PIAS3: variants seen among roughly 807,000 people sequenced by gnomAD.
PIAS3 encodes protein inhibitor of activated STAT 3.
PIAS3 carries 34 observed loss-of-function variants against 67.6 expected under a neutral mutation model. The observed-to-expected ratio is 0.50, with a 90% CI of 0.38 to 0.67. The LOEUF is 0.67. PIAS3 is among the 30% of genes least tolerant of loss of function. PIAS3 has a pLI of 0.00. For synonymous variants in PIAS3, 341 were observed against 313.8 expected (o/e 1.09, Z -0.92); for missense variants, 693 against 791.6 (o/e 0.88, Z 1.49).
Position 145,855,951 on chromosome 1 carries a change from C to T in PIAS3, c.578+117G>A, listed in dbSNP as rs371745199. The stretch of plus-strand genomic sequence containing the variant: ...GAAGCCCTCAGCATCCAACAAGAGT[C>T]GCAGGGCTGCAGTAGGCAGTGGCAG... On this transcript the variant is annotated intron_variant, in intron 4 of 13. Transcript: ENST00000393045. 262 of 1,061,326 alleles carry T rather than the reference C, an allele frequency of 2.5e-4. 3 individuals carry two copies. The highest frequency in any genetic ancestry group is 1.8e-3 in the South Asian group (146 of 80,014). The allele number at this position is 1,061,326 out of a possible 1,614,324, so 65.7% of individuals were successfully genotyped here.
chr1:145,854,842 C>T lies in PIAS3; in HGVS notation c.708G>A (p.Lys236=), dbSNP rs940911293. The part of the protein sequence containing the change: ...LPPTKNGAEP[K]RPSRPINITP... ...TGATGTTGATGGGGCGGCTGGGCCT[C>T]TTGGGCTCGGCCCCATTCTTGGTTG... Residue 236 remains lysine, a synonymous_variant, in exon 6 of 14, where the codon AAG becomes AAA. Coordinates refer to ENST00000393045, the MANE Select transcript of PIAS3 (RefSeq NM_006099.3). 4 of 1,614,042 alleles carry T rather than the reference C, an allele frequency of 2.5e-6. No homozygotes were observed. The highest frequency in any genetic ancestry group is 3.4e-6 in the Non-Finnish European group (4 of 1,180,030).
At chr1:145,857,407 T>C in intron 1 of PIAS3, 1 of 197,104 alleles carries the variant, frequency 5.1e-6, no homozygotes, top group Non-Finnish European at 1.1e-5. Flanking sequence ...CTCAAACCCA[T>C]CCCAGCCTCC....
intron 2 of PIAS3, 55 bp downstream of exon 2, chr1:145,856,534 T>C: frequency 6.3e-7 from 1 of 1,595,498 alleles, no homozygotes; most frequent in South Asian, 1.1e-5. Context: ...GCCTAAGAAA[T>C]GTTTGGGGAA....
intron 7 of PIAS3, 97 bp from the exon 8 acceptor site, chr1:145,853,983 T>TCCACCCAGCAGCCTCTCA: frequency 9.4e-7 from 1 of 1,059,464 alleles, no homozygotes; most frequent in Non-Finnish European, 1.4e-6. Context: ...GCTGAGAGGC[T>TCCACCCAGCAGCCTCTCA]GCTGGGTGGA....
rs1652855430 is a variant in PIAS3, at chr1:145,849,224, AC to A, written c.*221del. The A allele has an allele frequency of 2.5e-6, 1 of 393,792 alleles. No individual in the cohort carries two copies. Among genetic ancestry groups the A allele is most frequent in the Non-Finnish European group, 4.4e-6 (1 of 225,116 alleles). The allele number at this position is 393,792 out of a possible 1,614,324, so 24.4% of individuals were successfully genotyped here. On this transcript the variant is annotated 3_prime_UTR_variant, in exon 14 of 14. Transcript: ENST00000393045. ...AAAGGAATGTGCCACCATCTAAAGA[AC>A]ATTTCCAGAAACAGACCCCAGTGTC...
chr1:145,849,374 A>C lies in PIAS3; in HGVS notation c.*72T>G. On this transcript the variant is annotated 3_prime_UTR_variant, in exon 14 of 14. Coordinates refer to ENST00000393045, the MANE Select transcript of PIAS3 (RefSeq NM_006099.3). ...CCAGAGCCCCCAGAGGGATCAGAGT[A>C]GCTGGGGTTGGGACTCCACAGCATA... 1 of 1,401,650 alleles carries C rather than the reference A, an allele frequency of 7.1e-7. No homozygotes were observed. Among genetic ancestry groups the C allele is most frequent in the Non-Finnish European group, 9.3e-7 (1 of 1,075,802 alleles). 86.8% of individuals were successfully genotyped at this position (1,401,650 alleles called of 1,614,324 possible). A position where few individuals can be genotyped will look rare whatever the true frequency, so the allele number is the denominator to read the frequency against.
intron 9 of PIAS3, 152 bp downstream of exon 9, chr1:145,853,352 G>A (rs917755895): frequency 7.9e-5 from 42 of 532,066 alleles, no homozygotes; most frequent in South Asian, 2.5e-4. Flanking sequence ...GGAGGTTGCA[G>A]TGAGCCAAGA....
intron 13 of PIAS3, 129 bp from the exon 14 acceptor site, chr1:145,849,841 GGA>G: frequency 6.8e-7 from 1 of 1,479,882 alleles, no homozygotes; most frequent in Non-Finnish European, 8.9e-7. Context: ...TTGAGAAGCA[GGA>G]GAGCCTCTCC....
intron 11 of PIAS3, 25 bp downstream of exon 11, chr1:145,850,746 G>A (rs782730765): frequency 3.1e-6 from 5 of 1,612,896 alleles, no homozygotes; most frequent in Non-Finnish European, 4.2e-6. Flanking sequence ...CCGTTTTGCT[G>A]TAGACTCAGC....
chr1:145,856,804 G>A lies in PIAS3; in HGVS notation c.227C>T (p.Ser76Phe). 6.2e-7 allele frequency: 1 copy of A among 1,614,134 alleles called. No individual in the cohort carries two copies. Among genetic ancestry groups the A allele is most frequent in the Non-Finnish European group, 8.5e-7 (1 of 1,179,990 alleles). The change falls in exon 2 of 14, where the codon TCC becomes TTC. Residue 76 changes from serine (S) to phenylalanine (F), a missense_variant. Physicochemically the swap from Ser to Phe is radical, Grantham distance 155 (BLOSUM62 -2). Around this residue, in one of 3 missense-constraint regions of PIAS3, gnomAD observed 308 missense variants for 348.8 expected, o/e 0.88. Transcript: ENST00000393045. ...PRKTLGPSDL[S>F]LLSLPPGTSP... ...GGTGCCAGGGGGCAAAGAGAGAAGG[G>A]AGAGATCAGAGGGCCCCAGGGTCTT...
At chr1:145,857,077 G>C (rs934418553) in intron 1 of PIAS3, 71 bp from the exon 2 acceptor site, 146 of 1,376,376 alleles carry the variant, frequency 1.1e-4, no homozygotes, top group Admixed American at 1.9e-4. Context: ...CATGGGCTGA[G>C]CTACCAGGTG....
intron 7 of PIAS3, 178 bp downstream of exon 7, chr1:145,854,276 AGTGG>A: frequency 1.6e-6 from 1 of 609,078 alleles, no homozygotes; most frequent in Admixed American, 2.9e-5. Flanking sequence ...GGTGCCTGGG[AGTGG>A]TCCAACTTCA....
chr1:145,851,227 C>T, intron 9 of PIAS3, 74 bp from the exon 10 acceptor site: 1 of 1,454,598 alleles, frequency 6.9e-7, no homozygotes. Flanking sequence ...CTGTAACTCA[C>T]CTTCCTGTAT....
chr1:145,856,024 T>C (rs782604677), intron 4 of PIAS3, 44 bp downstream of exon 4: 2 of 1,519,106 alleles, frequency 1.3e-6, no homozygotes, highest in Non-Finnish European at 1.8e-6. Context: ...ACTTCACTCC[T>C]ACCCCCAGTG....
In PIAS3 at chr1:145,855,764, T is replaced by C. The variant is rs1653146979; in HGVS notation, c.641A>G (p.Lys214Arg). 8 of 1,608,008 alleles carry C rather than the reference T, an allele frequency of 5.0e-6. No individual in the cohort carries two copies. Among genetic ancestry groups the C allele is most frequent in the East Asian group, 2.2e-5 (1 of 44,804 alleles). The change falls in exon 5 of 14, where the codon AAG becomes AGG. Residue 214 changes from lysine to arginine, a missense_variant. Physicochemically the swap from Lys to Arg is conservative, Grantham distance 26. Coordinates refer to ENST00000393045, the MANE Select transcript of PIAS3 (RefSeq NM_006099.3). ...CAGGGGGCACAGTTTCCCATTGACC[T>C]TGACAAAGAGGTTGGGGGGAAAATA... ...EDYFPPNLFVKVNGKLCPLPG... is the reference protein window; with the variant it reads ...EDYFPPNLFVRVNGKLCPLPG...
rs1454687384 is a variant in PIAS3 at position 145,856,614 on chromosome 1, C to T, written c.417G>A (p.Gly139=). The T allele has an allele frequency of 2.5e-6, 4 of 1,569,728 alleles. No homozygotes were observed. Among genetic ancestry groups the T allele is most frequent in the Middle Eastern group, 1.7e-4 (1 of 5,816 alleles). ...MKPLPFYEVY[G]ELIRPTTLAS... ...CAAGGGTGGTGGGCCGGATGAGCTC[C>T]CCATAGACTTCATAGAAGGGCAATG... Residue 139 remains glycine, a synonymous_variant, in exon 2 of 14, where the codon GGG becomes GGA. Coordinates refer to ENST00000393045, the MANE Select transcript of PIAS3 (RefSeq NM_006099.3).
chr1:145,849,884 C>T, intron 13 of PIAS3, 172 bp from the exon 14 acceptor site: 1 of 1,458,812 alleles, frequency 6.9e-7, no homozygotes, highest in Non-Finnish European at 9.0e-7. Flanking sequence ...CACCCTTCCC[C>T]TTTCCCTGCC....
intron 1 of PIAS3, 82 bp from the exon 2 acceptor site, chr1:145,857,088 G>A (rs1326406772): frequency 2.4e-6 from 3 of 1,252,406 alleles, no homozygotes; most frequent in East Asian, 2.3e-5. Flanking sequence ...CTACCAGGTG[G>A]GCAGTGCCTT....
chr1:145,859,020 G>T lies in PIAS3; in HGVS notation c.-30C>A. ...AGACATCGCAGGCGCCCCAGCCGGA[G>T]CCGGAGCTCAGGCCCAGGGACCGGC... On this transcript the variant is annotated 5_prime_UTR_variant, in exon 1 of 14. Coordinates refer to ENST00000393045, the MANE Select transcript of PIAS3 (RefSeq NM_006099.3). 6.5e-7 allele frequency: 1 copy of T among 1,542,588 alleles called. No homozygotes were observed. The highest frequency in any genetic ancestry group is 8.7e-7 in the Non-Finnish European group (1 of 1,145,132).
Sources: allele counts gnomAD v4.1 joint callset, GRCh38; gene constraint gnomAD v4.1.1; regional missense constraint gnomAD v4.1.1; transcripts MANE v1.5; gene names NCBI Gene and HGNC (gene_info 2026-07-23, HGNC 2026-07-21).